SGMS1: variants seen among roughly 807,000 people sequenced by gnomAD.
The protein encoded by SGMS1 is phosphatidylcholine:ceramide cholinephosphotransferase 1.
Under a neutral mutation model 46.2 loss-of-function variants are expected in SGMS1, and 13 were observed. The ratio of observed to expected loss-of-function variants is 0.28; its 90% confidence interval spans 0.18 to 0.45. SGMS1 has a LOEUF of 0.45. Ranked by LOEUF, SGMS1 falls within the 20% of genes least tolerant of loss-of-function variation. The pLI, the probability that SGMS1 is intolerant of heterozygous loss-of-function variation, is 1.00. For missense variants in SGMS1, 324 were observed against 519.9 expected, an observed-to-expected ratio of 0.62 and a Z score of 3.66; for synonymous variants, 203 against 187.8, an observed-to-expected ratio of 1.08 and a Z score of -0.66.
intron 6 of SGMS1, among the ~76,000 whole-genome samples, chr10:50,349,765 G>C (rs1342402925): frequency 6.6e-6 from 1 of 152,180 alleles, no homozygotes; most frequent in Admixed American, 6.5e-5. Flanking sequence ...CATGTAAGAA[G>C]TGCCTGTCAC....
chr10:50,537,036 G>A (rs149577309), intron 2 of SGMS1, among the ~76,000 whole-genome samples: 2 of 152,238 alleles, frequency 1.3e-5, no homozygotes, highest in South Asian at 2.1e-4. Flanking sequence ...TTGGTCCCCA[G>A]GCCTTCCAGG....
At chr10:50,455,437 C>T (rs993407915) in intron 5 of SGMS1, among the ~76,000 whole-genome samples, 1 of 152,176 alleles carries the variant, frequency 6.6e-6, no homozygotes, top group South Asian at 2.1e-4. Context: ...TACATTGATA[C>T]CCCTGCACCA....
At chr10:50,337,170 T>G (rs1374580955) in intron 7 of SGMS1, among the ~76,000 whole-genome samples, 6 of 152,226 alleles carry the variant, frequency 3.9e-5, no homozygotes, top group African/African-American at 1.2e-4. Context: ...GGATGGAGTT[T>G]AGACAACACA....
intron 3 of SGMS1, among the ~76,000 whole-genome samples, chr10:50,477,647 T>C (rs1009394558): frequency 1.9e-4 from 29 of 152,168 alleles, no homozygotes; most frequent in African/African-American, 6.7e-4. Context: ...GTGTTGGAGG[T>C]GGGGCCTGGT....
chr10:50,601,790 T>C (rs1296398050), intron 1 of SGMS1, among the ~76,000 whole-genome samples: 2 of 152,236 alleles, frequency 1.3e-5, no homozygotes, highest in East Asian at 3.8e-4. Flanking sequence ...TGATTTTGGA[T>C]TATTTGCATA....
intron 7 of SGMS1, among the ~76,000 whole-genome samples, chr10:50,329,724 C>G (rs1847587333): frequency 6.6e-6 from 1 of 152,184 alleles, no homozygotes; most frequent in Admixed American, 6.5e-5. Context: ...TAAGCAGATG[C>G]CAACAAGAAG....
chr10:50,354,649 C>G (rs1233739843), intron 6 of SGMS1, among the ~76,000 whole-genome samples: 2 of 152,150 alleles, frequency 1.3e-5, no homozygotes, highest in African/African-American at 4.8e-5. Flanking sequence ...TCAGAATGAA[C>G]AGGCAACCTA....
At chr10:50,431,885 A>G (rs764433188) in intron 6 of SGMS1, among the ~76,000 whole-genome samples, 59 of 152,342 alleles carry the variant, frequency 3.9e-4, no homozygotes, top group Middle Eastern at 3.4e-3. Flanking sequence ...TCAGTTTAAC[A>G]GCCAGAATAG....
At chr10:50,364,841 G>A (rs1848307875) in intron 6 of SGMS1, among the ~76,000 whole-genome samples, 1 of 152,142 alleles carries the variant, frequency 6.6e-6, no homozygotes, top group African/African-American at 2.4e-5. Context: ...CTGCTACCCA[G>A]TAGTAGTTAC....
At chr10:50,582,241 C>T (rs1364173859) in intron 2 of SGMS1, among the ~76,000 whole-genome samples, 1 of 152,152 alleles carries the variant, frequency 6.6e-6, no homozygotes, top group Non-Finnish European at 1.5e-5. Context: ...ACAAAGAAAT[C>T]ACTATTGTCC....
intron 3 of SGMS1, among the ~76,000 whole-genome samples, chr10:50,496,704 T>C (rs1837618128): frequency 6.6e-6 from 1 of 152,136 alleles, no homozygotes; most frequent in Non-Finnish European, 1.5e-5. Context: ...TTTGGGAGAA[T>C]AAAAACAGCT....
At chr10:50,598,907 C>T (rs1300292106) in intron 1 of SGMS1, among the ~76,000 whole-genome samples, 1 of 151,094 alleles carries the variant, frequency 6.6e-6, no homozygotes, top group Non-Finnish European at 1.5e-5. Flanking sequence ...AATACCCAGA[C>T]AGGAAAAAAA....
intron 3 of SGMS1, among the ~76,000 whole-genome samples, chr10:50,503,731 C>T (rs944155933): frequency 2.0e-5 from 3 of 152,184 alleles, no homozygotes; most frequent in Non-Finnish European, 4.4e-5. Context: ...GAGAGAAGAG[C>T]AGTTCTGTGG....
chr10:50,533,263 T>G (rs72803714), intron 2 of SGMS1, among the ~76,000 whole-genome samples: 7,360 of 152,272 alleles, frequency 0.048, 521 homozygotes, highest in African/African-American at 0.15. Context: ...AGAAATTCTT[T>G]TATTTTAGGT....
chr10:50,563,444 C>T (rs909664277), intron 2 of SGMS1, among the ~76,000 whole-genome samples: 41 of 152,352 alleles, frequency 2.7e-4, no homozygotes, highest in Non-Finnish European at 5.4e-4. Context: ...AATCCTCTTA[C>T]ATAAGAAACT....
At chr10:50,332,568 C>T (rs1847642668) in intron 7 of SGMS1, among the ~76,000 whole-genome samples, 1 of 148,018 alleles carries the variant, frequency 6.8e-6, no homozygotes, top group Admixed American at 6.8e-5. Context: ...CCCCTCATAG[C>T]TTTCTTCAAC....
At chr10:50,554,878 A>C (rs1838177739) in intron 2 of SGMS1, among the ~76,000 whole-genome samples, 1 of 152,228 alleles carries the variant, frequency 6.6e-6, no homozygotes, top group African/African-American at 2.4e-5. Context: ...ACATCCTTCC[A>C]CATCAGTACA....
chr10:50,612,900 G>A (rs898225356), intron 1 of SGMS1, among the ~76,000 whole-genome samples: 2 of 152,130 alleles, frequency 1.3e-5, no homozygotes, highest in South Asian at 2.1e-4. Flanking sequence ...GTAGAGATGG[G>A]GTTTCACCAT....
At chr10:50,346,111 T>C (rs1445047207) in intron 6 of SGMS1, among the ~76,000 whole-genome samples, 1 of 152,208 alleles carries the variant, frequency 6.6e-6, no homozygotes, top group African/African-American at 2.4e-5. Context: ...GCATCTCCCA[T>C]ACATAATCCA....
Sources: allele counts gnomAD v4.1 joint callset (sites outside exome capture counted in the v4.1 genomes callset), GRCh38; gene constraint gnomAD v4.1.1; transcripts MANE v1.5; gene names NCBI Gene and HGNC (gene_info 2026-07-23, HGNC 2026-07-21).